The following MSTO1 variants were observed in gnomAD, a reference collection of about 807,000 sequenced individuals.
The protein encoded by MSTO1 is protein misato homolog 1.
A neutral mutation model predicts 55.7 loss-of-function variants in MSTO1; 24 were observed. That is an observed-to-expected ratio of 0.43 (90% CI 0.31 to 0.61). MSTO1 has a LOEUF of 0.61. MSTO1 is among the 20% of genes least tolerant of loss of function. The probability of loss-of-function intolerance (pLI) is 0.09; values close to 1 mark genes in which losing one functional copy is unlikely to be tolerated. For missense variants in MSTO1, 363 were observed against 625.7 expected, an observed-to-expected ratio of 0.58 and a Z score of 4.48; for synonymous variants, 162 against 252.8, an observed-to-expected ratio of 0.64 and a Z score of 3.41.
the MSTO1 span, among the ~76,000 whole-genome samples, chr1:155,594,745 C>T: frequency 6.6e-6 from 1 of 152,102 alleles, no homozygotes; most frequent in African/African-American, 2.4e-5. Context: ...ACCACCACAC[C>T]TGGCTCCCAA....
chr1:155,584,658 G>A, the MSTO1 span, among the ~76,000 whole-genome samples: 1 of 91,180 alleles, frequency 1.1e-5, no homozygotes, highest in Non-Finnish European at 2.0e-5. Context: ...GCAACAGAGT[G>A]AGAGCTTGTC....
chr1:155,574,755 A>T, the MSTO1 span, among the ~76,000 whole-genome samples: 1 of 151,930 alleles, frequency 6.6e-6, no homozygotes, highest in African/African-American at 2.4e-5. Context: ...AGTAGTAGAG[A>T]TAAGGTTTTC....
the MSTO1 span, among the ~76,000 whole-genome samples, chr1:155,591,663 G>A: frequency 3.3e-5 from 5 of 151,974 alleles, no homozygotes; most frequent in African/African-American, 9.7e-5. Flanking sequence ...GGTGGCGCAT[G>A]CCTGTAATCC....
chr1:155,566,960 A>G, the MSTO1 span, among the ~76,000 whole-genome samples: 2 of 152,096 alleles, frequency 1.3e-5, no homozygotes, highest in Non-Finnish European at 2.9e-5. Flanking sequence ...TAGGCTGCAG[A>G]CTAGCTCCCA....
chr1:155,565,139 CA>C, the MSTO1 span, among the ~76,000 whole-genome samples: 3 of 149,556 alleles, frequency 2.0e-5, no homozygotes, highest in Admixed American at 1.3e-4. Context: ...AAAAAAAATC[CA>C]AAAAAAATCA....
At chr1:155,611,479 A>G in intron 4 of MSTO1, 70 bp from the exon 5 acceptor site, 2 of 1,613,834 alleles carry the variant, frequency 1.2e-6, no homozygotes, top group Non-Finnish European at 1.7e-6. Flanking sequence ...CAGCCAACTC[A>G]AGGAGGACGA....
At chr1:155,613,899 C>T (rs1231379678) in intron 13 of MSTO1, 133 bp downstream of exon 13, 19 of 726,636 alleles carry the variant, frequency 2.6e-5, no homozygotes, top group Middle Eastern at 7.8e-4. Flanking sequence ...CCAAGAAAAG[C>T]ATTCTTCCTC....
the MSTO1 span, among the ~76,000 whole-genome samples, chr1:155,589,619 G>A: frequency 6.6e-6 from 1 of 152,168 alleles, no homozygotes; most frequent in African/African-American, 2.4e-5. Context: ...TGTGGCTAAA[G>A]GCCTGAGAGC....
chr1:155,609,526 G>A (rs914896998), upstream of MSTO1, among the ~76,000 whole-genome samples: 1 of 152,096 alleles, frequency 6.6e-6, no homozygotes, highest in African/African-American at 2.4e-5. Context: ...GGGATTACAG[G>A]CGTGAACCAC....
upstream of MSTO1, among the ~76,000 whole-genome samples, chr1:155,608,240 C>T (rs1444822834): frequency 2.6e-5 from 4 of 152,116 alleles, no homozygotes; most frequent in South Asian, 2.1e-4. Context: ...CATGGTTCAC[C>T]GCAGCCTCTA....
At chr1:155,608,315 A>G (rs1419540650), upstream of MSTO1, among the ~76,000 whole-genome samples, 1 of 152,048 alleles carries the variant, frequency 6.6e-6, no homozygotes, top group East Asian at 1.9e-4. Flanking sequence ...TGGGCTGCCT[A>G]GCTAATTTTT....
chr1:155,607,783 G>C (rs868326124), upstream of MSTO1, among the ~76,000 whole-genome samples: 1 of 152,210 alleles, frequency 6.6e-6, no homozygotes, highest in African/African-American at 2.4e-5. Flanking sequence ...TGGGCAGATC[G>C]CTTGAGCTCA....
At chr1:155,607,301 A>G (rs1444499512), upstream of MSTO1, among the ~76,000 whole-genome samples, 5 of 151,868 alleles carry the variant, frequency 3.3e-5, no homozygotes, top group African/African-American at 1.2e-4. Context: ...CAGCCTCTCA[A>G]GTAGCTGGGA....
chr1:155,590,465 A>G, the MSTO1 span: 1 of 481,544 alleles, frequency 2.1e-6, no homozygotes, highest in Non-Finnish European at 3.6e-6. Context: ...CAGTTTTTAA[A>G]TGAATTTTAA....
At chr1:155,580,345 G>A in the MSTO1 span, among the ~76,000 whole-genome samples, 2 of 151,928 alleles carry the variant, frequency 1.3e-5, no homozygotes, top group East Asian at 3.9e-4. Context: ...GGGCAACATA[G>A]TAAGACCCTG....
At chr1:155,585,672 G>A in the MSTO1 span, among the ~76,000 whole-genome samples, 1 of 152,018 alleles carries the variant, frequency 6.6e-6, no homozygotes, top group Non-Finnish European at 1.5e-5. Flanking sequence ...AAAAGATTCA[G>A]GCTTTTTAAG....
the MSTO1 span, among the ~76,000 whole-genome samples, chr1:155,592,095 T>C: frequency 6.6e-6 from 1 of 152,226 alleles, no homozygotes; most frequent in Non-Finnish European, 1.5e-5. Flanking sequence ...GTAGTACTAG[T>C]GTGTGTTATT....
the MSTO1 span, among the ~76,000 whole-genome samples, chr1:155,578,792 GAGCC>G: frequency 2.0e-5 from 3 of 147,886 alleles, no homozygotes; most frequent in African/African-American, 7.4e-5. Flanking sequence ...TTACAGGCGT[GAGCC>G]ACCGCGCCCG....
At chr1:155,601,692 C>T in the MSTO1 span, among the ~76,000 whole-genome samples, 3 of 152,132 alleles carry the variant, frequency 2.0e-5, no homozygotes, top group South Asian at 4.1e-4. Flanking sequence ...CTTAAAGAGG[C>T]TGGAATATTT....
Sources: gnomAD v4.1 joint callset for allele counts (sites outside exome capture counted in the v4.1 genomes callset) on GRCh38, gnomAD v4.1.1 for gene constraint, MANE v1.5 for transcripts, NCBI Gene and HGNC (gene_info 2026-07-23, HGNC 2026-07-21) for gene names.